Variants in MAST2 observed in about 807,000 individuals in gnomAD.
MAST2 encodes microtubule-associated serine/threonine-protein kinase 2.
Under a neutral mutation model 147.4 loss-of-function variants are expected in MAST2, and 70 were observed. That is an observed-to-expected ratio of 0.47 (90% confidence interval 0.39 to 0.58). The LOEUF (loss-of-function observed/expected upper bound fraction) is 0.58, where lower values mean the gene tolerates loss of function less well. MAST2 is among the 20% of genes least tolerant of loss of function. The pLI is 0.00. For missense variants in MAST2, 2,080 were observed against 2,302.3 expected (o/e 0.90, Z 1.98); for synonymous variants, 869 against 896.8 (o/e 0.97, Z 0.55).
intron 3 of MAST2, among the ~76,000 whole-genome samples, chr1:45,859,741 C>A (rs560317564): frequency 2.6e-5 from 4 of 152,266 alleles, no homozygotes; most frequent in Admixed American, 6.5e-5. Context: ...TTAGATGCAG[C>A]CTATTCTGAG....
At chr1:45,857,209 A>G (rs1645818758) in intron 3 of MAST2, among the ~76,000 whole-genome samples, 2 of 152,214 alleles carry the variant, frequency 1.3e-5, no homozygotes, top group South Asian at 4.1e-4. Flanking sequence ...GGCCCATGAT[A>G]TCATCTGGTA....
intron 5 of MAST2, among the ~76,000 whole-genome samples, chr1:45,969,538 C>T (rs1215116375): frequency 6.6e-6 from 1 of 152,076 alleles, no homozygotes; most frequent in Non-Finnish European, 1.5e-5. Flanking sequence ...TTTAGATTCT[C>T]ATAGGACCAT....
At chr1:45,959,299 G>A (rs1660071688) in intron 4 of MAST2, 87 bp from the exon 5 acceptor site, 1 of 958,256 alleles carries the variant, frequency 1.0e-6, no homozygotes, top group Non-Finnish European at 1.7e-6. Context: ...GTGGAATGGT[G>A]TCCCTCTTTA....
chr1:45,982,731 C>T (rs972181111), intron 5 of MAST2, among the ~76,000 whole-genome samples: 6 of 152,190 alleles, frequency 3.9e-5, no homozygotes, highest in African/African-American at 1.4e-4. Context: ...ACTCCCTGAA[C>T]TTGCAGCTAG....
chr1:45,939,980 GTTTTTT>G lies in MAST2; in HGVS notation c.501-19390_501-19385del, dbSNP rs1174123217. Among the ~76,000 whole-genome samples the G allele has an allele frequency of 1.3e-4, 13 of 97,288 alleles. No individual in the cohort carries two copies. The East Asian group carries it at 1.5e-3, about 11-fold the overall frequency. 63.8% of individuals were successfully genotyped at this position (97,288 alleles called of 152,430 possible). A position where few individuals can be genotyped will look rare whatever the true frequency, so the allele number is the denominator to read the frequency against. On this transcript the variant is annotated intron_variant, in intron 4 of 28. Transcript: ENST00000361297. ...AACGGAAGTTCTCTATTTATTTAGG[GTTTTTT>G]TTTTTTTTTTTTTTTGAGATGGAGT...
chr1:45,949,770 A>T (rs1330943967), intron 4 of MAST2, among the ~76,000 whole-genome samples: 1 of 152,206 alleles, frequency 6.6e-6, no homozygotes, highest in Non-Finnish European at 1.5e-5. Context: ...CATGCACACG[A>T]ATGTTCATTA....
At position 45,850,924 on chromosome 1, in the gene MAST2, C is replaced by T. The variant is rs188941566; in HGVS notation, c.468+21343C>T. On this transcript the variant is annotated intron_variant, in intron 3 of 28. Transcript: ENST00000361297. ...AATCCCTGCAGCTTTGTTCTTTTTG[C>T]TTAGGATTGTTTTGGCTATTTGAGC... Among the ~76,000 whole-genome samples, 451 of 143,526 alleles carry T rather than the reference C, an allele frequency of 3.1e-3. 5 individuals carry two copies. The highest frequency in any genetic ancestry group is 0.011 in the African/African-American group (431 of 38,600). The allele number at this position is 143,526 out of a possible 152,430, so 94.2% of individuals were successfully genotyped here.
chr1:46,016,383 G>A (rs1645940819), intron 10 of MAST2, among the ~76,000 whole-genome samples: 3 of 152,082 alleles, frequency 2.0e-5, no homozygotes. Flanking sequence ...AAAAGAGGAA[G>A]TCAAATTGTC....
At chr1:45,806,784 C>G (rs1262777008) in intron 1 of MAST2, among the ~76,000 whole-genome samples, 1 of 152,162 alleles carries the variant, frequency 6.6e-6, no homozygotes, top group East Asian at 1.9e-4. Context: ...ACCATGTTGG[C>G]CAGGCTAGTC....
intron 4 of MAST2, among the ~76,000 whole-genome samples, chr1:45,932,356 T>A (rs1655451248): frequency 6.6e-6 from 1 of 152,190 alleles, no homozygotes; most frequent in African/African-American, 2.4e-5. Context: ...TCCCTATTCA[T>A]TTTTCACTTA....
At chr1:45,926,477 A>T (rs908815782) in intron 4 of MAST2, among the ~76,000 whole-genome samples, 1 of 152,234 alleles carries the variant, frequency 6.6e-6, no homozygotes, top group Non-Finnish European at 1.5e-5. Context: ...TAGGTGAGGC[A>T]GTGGCAGCTG....
chr1:45,899,476 G>A (rs1649380102), intron 4 of MAST2, among the ~76,000 whole-genome samples: 1 of 151,690 alleles, frequency 6.6e-6, no homozygotes, highest in Non-Finnish European at 1.5e-5. Flanking sequence ...TCCCCTTTTG[G>A]AGTCCCCAGT....
chr1:45,995,576 A>T (rs1290077086), intron 5 of MAST2, among the ~76,000 whole-genome samples: 3 of 152,000 alleles, frequency 2.0e-5, no homozygotes, highest in Non-Finnish European at 4.4e-5. Flanking sequence ...CTGTCTCTAA[A>T]CCGCATTTTT....
intron 1 of MAST2, among the ~76,000 whole-genome samples, chr1:45,807,315 A>G (rs931906794): frequency 6.6e-6 from 1 of 151,966 alleles, no homozygotes; most frequent in African/African-American, 2.4e-5. Flanking sequence ...CTCTGTCCTT[A>G]GCTTGATCCT....
At chr1:46,032,976 C>CA (rs56069054) in intron 26 of MAST2, among the ~76,000 whole-genome samples, 1,825 of 132,230 alleles carry the variant, frequency 0.014, 37 homozygotes, top group African/African-American at 0.043. Context: ...ACTAAAAATA[C>CA]AAAAAAAAAA....
chr1:45,965,716 C>T (rs995678123), intron 5 of MAST2, among the ~76,000 whole-genome samples: 2 of 151,954 alleles, frequency 1.3e-5, no homozygotes, highest in African/African-American at 4.8e-5. Context: ...AAACTCCCTA[C>T]CTTATTTTTT....
Position 46,006,319 on chromosome 1 carries a change from C to G in MAST2, c.826C>G (p.His276Asp), listed in dbSNP as rs1645483058. 1.2e-6 allele frequency: 2 copies of G among 1,614,050 alleles called. No homozygotes were observed. The highest frequency in any genetic ancestry group is 1.1e-5 in the South Asian group (1 of 91,040). Residue 276 changes from histidine (H) to aspartate (D), a missense_variant, in exon 8 of 29, where the codon CAT becomes GAT. His to Asp is a moderately conservative substitution (Grantham distance 81). This residue lies in a region of MAST2 where 569 missense variants were observed against 642.5 expected (regional missense o/e 0.89). Transcript: ENST00000361297. ...TGATGAGCTGCACTTTTTGACGAAGCATTTCAGCACAGAGAGCGTACCAGA... is the reference window on the plus strand; with the variant it reads ...TGATGAGCTGCACTTTTTGACGAAGGATTTCAGCACAGAGAGCGTACCAGA... ...TADELHFLTK[H>D]FSTESVPDEE...
intron 3 of MAST2, among the ~76,000 whole-genome samples, chr1:45,877,080 C>T (rs1288515107): frequency 2.0e-5 from 3 of 151,970 alleles, no homozygotes; most frequent in Admixed American, 2.0e-4. Flanking sequence ...AAAAAAATAC[C>T]ACAGATTGGA....
intron 3 of MAST2, among the ~76,000 whole-genome samples, chr1:45,847,787 C>G (rs1223747255): frequency 1.3e-5 from 2 of 152,148 alleles, no homozygotes; most frequent in Middle Eastern, 3.4e-3. Flanking sequence ...CTCCTGGGTT[C>G]AAGCCATCTC....
Sources: allele counts gnomAD v4.1 joint callset (sites outside exome capture counted in the v4.1 genomes callset), GRCh38; gene constraint gnomAD v4.1.1; regional missense constraint gnomAD v4.1.1; transcripts MANE v1.5; gene names NCBI Gene and HGNC (gene_info 2026-07-23, HGNC 2026-07-21).